The following ERP44 variants were observed in gnomAD, a reference collection of about 807,000 sequenced individuals.
The protein encoded by ERP44 is endoplasmic reticulum protein 44, also known as endoplasmic reticulum resident protein 44.
Under a neutral mutation model 53.4 loss-of-function variants are expected in ERP44, and 25 were observed. The ratio of observed to expected loss-of-function variants is 0.47; its 90% CI spans 0.34 to 0.65. The LOEUF (loss-of-function observed/expected upper bound fraction) is 0.65, where lower values mean the gene tolerates loss of function less well. Ranked by LOEUF, ERP44 falls within the 30% of genes least tolerant of loss-of-function variation. ERP44 has a pLI of 0.01. For synonymous variants in ERP44, 145 were observed against 161.2 expected (o/e 0.90, Z 0.76); for missense variants, 338 against 493.2 (o/e 0.69, Z 2.98).
At position 100,043,291 on chromosome 9, in the gene ERP44, A is replaced by AGAAAAAAAAAAAAAAAAG. The variant is rs1554708805; in HGVS notation, c.286+9125_286+9126insCTTTTTTTTTTTTTTTTC. ...AAAAAAAAAAAAAAAAAAAAAAAAA[A>AGAAAAAAAAAAAAAAAAG]GATAAATAAGACATAGTATTTGCTA... is the stretch of plus-strand genomic sequence containing the variant. On this transcript the variant is annotated intron_variant, in intron 4 of 11. Transcript: ENST00000262455. Among the ~76,000 whole-genome samples, 2 of 74,876 alleles carry AGAAAAAAAAAAAAAAAAG rather than the reference A, an allele frequency of 2.7e-5. 1 individual carries two copies. 49.1% of individuals were successfully genotyped at this position (74,876 alleles called of 152,430 possible).
intron 4 of ERP44, among the ~76,000 whole-genome samples, chr9:100,041,788 A>G (rs907405341): frequency 1.3e-5 from 2 of 152,238 alleles, no homozygotes; most frequent in African/African-American, 4.8e-5. Context: ...AAAGGTTCCA[A>G]GAACACACAC....
intron 4 of ERP44, among the ~76,000 whole-genome samples, chr9:100,038,709 T>C (rs1213976798): frequency 1.3e-5 from 2 of 151,590 alleles, no homozygotes; most frequent in Non-Finnish European, 2.9e-5. Flanking sequence ...ACTGGTGTAA[T>C]GGATTTAAAA....
chr9:100,098,933 G>A lies in ERP44; in HGVS notation c.-93C>T. ...AGGAAAGGGCTGGGCTCCGGGAGCC[G>A]ACGGCAGCGGAGGATTCTCCAGGCA... is the stretch of plus-strand genomic sequence containing the variant. On this transcript the variant is annotated 5_prime_UTR_variant, in exon 1 of 12. Coordinates refer to ENST00000262455, the MANE Select transcript of ERP44 (RefSeq NM_015051.3). The A allele has an allele frequency of 2.1e-6, 2 of 971,742 alleles. No individual in the cohort carries two copies. The highest frequency in any genetic ancestry group is 2.1e-5 in the Admixed American group (1 of 46,738). The allele number at this position is 971,742 out of a possible 1,614,324, so 60.2% of individuals were successfully genotyped here.
At chr9:100,049,870 A>C (rs1826018095) in intron 4 of ERP44, among the ~76,000 whole-genome samples, 1 of 152,198 alleles carries the variant, frequency 6.6e-6, no homozygotes, top group Non-Finnish European at 1.5e-5. Context: ...CTGAATGTTC[A>C]TAACAGCTTT....
Position 99,979,792 on chromosome 9 carries a change from C to T in ERP44, c.*2820G>A. The T allele has an allele frequency of 2.6e-6, 1 of 386,984 alleles. No individual in the cohort carries two copies. Among genetic ancestry groups the T allele is most frequent in the South Asian group, 1.5e-4 (1 of 6,782 alleles). The allele number at this position is 386,984 out of a possible 1,614,324, so 24.0% of individuals were successfully genotyped here. A position where few individuals can be genotyped will look rare whatever the true frequency, so the allele number is the denominator to read the frequency against. ...GACTTCTACCTGAAATGGTCTGATT[C>T]ACGGTTCAGAGGGGGAACAAGTCTA... On this transcript the variant is annotated 3_prime_UTR_variant, in exon 12 of 12. Coordinates refer to ENST00000262455, the MANE Select transcript of ERP44 (RefSeq NM_015051.3).
chr9:100,016,538 GTC>G, intron 7 of ERP44, 100 bp from the exon 8 acceptor site: 2 of 1,407,490 alleles, frequency 1.4e-6, no homozygotes, highest in Non-Finnish European at 1.8e-6. Context: ...GTCTCACTCT[GTC>G]ACCCAGGCTG....
rs751426577 is a variant in ERP44, at chr9:99,982,719, A to G, written c.1120-6T>C. On this transcript the variant is annotated splice_region_variant and splice_polypyrimidine_tract_variant and intron_variant, in intron 11 of 11. Transcript: ENST00000262455. ...CTTGCTACATCTTGGGCTTGCTACA[A>G]AAGAAAGAATAAAACATTTTTATAC... 1 of 1,581,752 alleles carries G rather than the reference A, an allele frequency of 6.3e-7. No individual in the cohort carries two copies.
At position 100,063,092 on chromosome 9, in the gene ERP44, A is replaced by G. The variant is rs531365755; in HGVS notation, c.58-2920T>C. Among the ~76,000 whole-genome samples, 17 of 145,282 alleles carry G rather than the reference A, an allele frequency of 1.2e-4. 1 individual carries two copies. Among genetic ancestry groups the G allele is most frequent in the East Asian group, 8.3e-4 (4 of 4,830 alleles). ...CTGTCTCACAAAAAAAAAAAAAAAA[A>G]AGAGAGAGAGAGAGGGAAATTGATT... On this transcript the variant is annotated intron_variant, in intron 1 of 11. Transcript: ENST00000262455.
chr9:100,007,593 A>G lies in ERP44; in HGVS notation c.859T>C (p.Leu287=), dbSNP rs1452564052. The G allele has an allele frequency of 6.6e-7, 1 of 1,523,732 alleles. No homozygotes were observed. Among genetic ancestry groups the G allele is most frequent in the East Asian group, 2.3e-5 (1 of 44,432 alleles). 94.4% of individuals were successfully genotyped at this position (1,523,732 alleles called of 1,614,324 possible). ...EIFQNEVARQ[L]ISEKGTINFL... ...ATCTGTCTACCTTTTTCACTTATTAATTGCCGAGCTACTTCATTCTGGAAT... is the reference window on the plus strand; with the variant it reads ...ATCTGTCTACCTTTTTCACTTATTAGTTGCCGAGCTACTTCATTCTGGAAT... Residue 287 remains leucine, a synonymous_variant, in exon 9 of 12, where the codon TTA becomes CTA. Transcript: ENST00000262455.
intron 1 of ERP44, among the ~76,000 whole-genome samples, chr9:100,074,830 G>A (rs1826338754): frequency 6.6e-6 from 1 of 152,194 alleles, no homozygotes; most frequent in Non-Finnish European, 1.5e-5. Context: ...AGGTCAGGTA[G>A]TTAATGGACT....
intron 1 of ERP44, among the ~76,000 whole-genome samples, chr9:100,068,318 T>A (rs1434556804): frequency 4.1e-5 from 5 of 121,798 alleles, no homozygotes; most frequent in Non-Finnish European, 8.3e-5. Flanking sequence ...AGCTGCCCCG[T>A]CCGGGAGGGA....
chr9:100,016,284 T>G (rs759729495), intron 8 of ERP44, 38 bp downstream of exon 8: 6 of 1,566,878 alleles, frequency 3.8e-6, no homozygotes, highest in East Asian at 2.3e-5. Flanking sequence ...TTCAGACATT[T>G]GAATTTAAAG....
chr9:100,056,633 C>T (rs1826090687), intron 3 of ERP44, among the ~76,000 whole-genome samples: 1 of 152,072 alleles, frequency 6.6e-6, no homozygotes, highest in South Asian at 2.1e-4. Flanking sequence ...GGAAGATAAC[C>T]TGAAGAAAAT....
chr9:99,984,383 T>C (rs1830177111), intron 11 of ERP44, among the ~76,000 whole-genome samples: 1 of 151,896 alleles, frequency 6.6e-6, no homozygotes, highest in Admixed American at 6.6e-5. Context: ...GTAACAGAAG[T>C]TACAAGGTGG....
At chr9:99,992,036 AC>A in intron 10 of ERP44, among the ~76,000 whole-genome samples, 1 of 152,310 alleles carries the variant, frequency 6.6e-6, no homozygotes, top group East Asian at 1.9e-4. Context: ...CAGGCTACCA[AC>A]CAAAAAAAGT....
chr9:100,095,057 T>C (rs1826610439), intron 1 of ERP44, among the ~76,000 whole-genome samples: 1 of 151,864 alleles, frequency 6.6e-6, no homozygotes, highest in African/African-American at 2.4e-5. Context: ...TATCCAAATA[T>C]AGTTAGCTTT....
rs1369263158 is a variant in ERP44 at position 100,064,890 on chromosome 9, C to T, written c.58-4718G>A. Among the ~76,000 whole-genome samples, 2 of 152,162 alleles carry T rather than the reference C, an allele frequency of 1.3e-5. 1 individual carries two copies. The highest frequency in any genetic ancestry group is 2.9e-5 in the Non-Finnish European group (2 of 68,034). ...GGTTATAAAGAAAGATGTTTTTGTA[C>T]AGCTATGTAACGTGTTGGTATTTTA... On this transcript the variant is annotated intron_variant, in intron 1 of 11. Transcript: ENST00000262455.
chr9:100,074,464 A>G (rs1236614800), intron 1 of ERP44, among the ~76,000 whole-genome samples: 1 of 152,216 alleles, frequency 6.6e-6, no homozygotes, highest in Admixed American at 6.5e-5. Flanking sequence ...TTATATAAGG[A>G]AAAAACTTGT....
chr9:100,012,642 AC>A (rs1378396254), intron 8 of ERP44, among the ~76,000 whole-genome samples: 4 of 152,232 alleles, frequency 2.6e-5, no homozygotes, highest in African/African-American at 9.6e-5. Flanking sequence ...CCAAAAATGT[AC>A]CATGCTGACA....
Sources: gnomAD v4.1 joint callset for allele counts (sites outside exome capture counted in the v4.1 genomes callset) on GRCh38, gnomAD v4.1.1 for gene constraint, MANE v1.5 for transcripts, NCBI Gene and HGNC (gene_info 2026-07-23, HGNC 2026-07-21) for gene names.